Variants in EWSR1 observed in about 807,000 individuals in gnomAD.
EWSR1 encodes RNA-binding protein EWS.
Under a neutral mutation model 92.1 loss-of-function variants are expected in EWSR1, and 14 were observed. The ratio of observed to expected loss-of-function variants is 0.15; its 90% confidence interval spans 0.10 to 0.24. The LOEUF (loss-of-function observed/expected upper bound fraction) is 0.24, where lower values mean the gene tolerates loss of function less well. Ranked by LOEUF, EWSR1 falls within the 10% of genes least tolerant of loss-of-function variation. The probability of loss-of-function intolerance (pLI) is 1.00; values close to 1 mark genes in which losing one functional copy is unlikely to be tolerated. For synonymous variants in EWSR1, 303 were observed against 292.9 expected (o/e 1.03, Z -0.35); for missense variants, 637 against 870.9 (o/e 0.73, Z 3.38).
chr22:29,282,355 C>A, intron 5 of EWSR1, 35 bp from the exon 6 acceptor site: 3 of 1,503,304 alleles, frequency 2.0e-6, no homozygotes, highest in Non-Finnish European at 2.7e-6. Context: ...CAAAAAAAGT[C>A]ACTTTTTAAT....
Position 29,288,725 on chromosome 22 carries a change from G to A in EWSR1, c.913G>A (p.Gly305Arg). The A allele has an allele frequency of 1.2e-6, 2 of 1,613,892 alleles. No homozygotes were observed. Among genetic ancestry groups the A allele is most frequent in the Non-Finnish European group, 1.7e-6 (2 of 1,179,824 alleles). Residue 305 changes from glycine (G) to arginine (R), a missense_variant, in exon 8 of 17, where the codon GGG becomes AGG. Transcript: ENST00000397938. ...CCCTGATAACCGGGGCAGGGGAAGA[G>A]GGGGATTTGATCGTGGAGGCATGAG... Reference protein sequence around the residue: ...SGPDNRGRGRGGFDRGGMSRG... With the variant: ...SGPDNRGRGRRGFDRGGMSRG...
chr22:29,291,143 T>C, intron 8 of EWSR1: 1 of 244,162 alleles, frequency 4.1e-6, no homozygotes. Flanking sequence ...GGGCCTCATT[T>C]GGCTCTCCCT....
intron 12 of EWSR1, among the ~76,000 whole-genome samples, chr22:29,297,508 C>G (rs2147774422): frequency 6.6e-6 from 1 of 152,166 alleles, no homozygotes. Context: ...CCTGGGCAAC[C>G]TAGTGAGACA....
At chr22:29,286,686 C>CAAA (rs373796997) in intron 6 of EWSR1, among the ~76,000 whole-genome samples, 1 of 76,344 alleles carries the variant, frequency 1.3e-5, no homozygotes, top group Non-Finnish European at 2.6e-5. Flanking sequence ...CACTCTGTCT[C>CAAA]AAAAAAAAAA....
At chr22:29,275,306 A>G (rs1163503664) in intron 4 of EWSR1, among the ~76,000 whole-genome samples, 3 of 152,224 alleles carry the variant, frequency 2.0e-5, no homozygotes, top group Non-Finnish European at 4.4e-5. Flanking sequence ...ATCATTTTAC[A>G]GGAATGAGAC....
chr22:29,279,419 A>T (rs575218787), intron 5 of EWSR1, among the ~76,000 whole-genome samples: 188 of 152,364 alleles, frequency 1.2e-3, no homozygotes, highest in African/African-American at 4.2e-3. Flanking sequence ...TACATTGTAT[A>T]GAGGCTTAAT....
chr22:29,278,173 T>C lies in EWSR1; in HGVS notation c.370T>C (p.Tyr124His). Residue 124 changes from tyrosine to histidine, a missense_variant, in exon 5 of 17, where the codon TAT becomes CAT. Physicochemically the swap from Tyr to His is moderately conservative, Grantham distance 83. This residue lies in a region of EWSR1 where 144 missense variants were observed against 189.0 expected (regional missense o/e 0.76). Transcript: ENST00000397938. ...GTCTGCATATGGCACTCAGCCTGCT[T>C]ATCCAGCCTATGGGCAGCAGCCAGC... Reference protein sequence around the residue: ...AQSAYGTQPAYPAYGQQPAAT... With the variant: ...AQSAYGTQPAHPAYGQQPAAT... The C allele has an allele frequency of 6.2e-7, 1 of 1,614,108 alleles. No homozygotes were observed. The highest frequency in any genetic ancestry group is 1.1e-5 in the South Asian group (1 of 91,074).
intron 13 of EWSR1, among the ~76,000 whole-genome samples, 178 bp downstream of exon 13, chr22:29,298,127 TG>T (rs2147792022): frequency 6.6e-6 from 1 of 152,336 alleles, no homozygotes; most frequent in African/African-American, 2.4e-5. Context: ...CATGGGAGGC[TG>T]GAAGCCACTC....
At chr22:29,275,210 C>T (rs1006768633) in intron 4 of EWSR1, among the ~76,000 whole-genome samples, 1 of 152,188 alleles carries the variant, frequency 6.6e-6, no homozygotes, top group Non-Finnish European at 1.5e-5. Flanking sequence ...GTGAGATAAA[C>T]TTCATGTATT....
intron 15 of EWSR1, 91 bp from the exon 16 acceptor site, chr22:29,299,508 G>A (rs779697409): frequency 6.7e-7 from 1 of 1,502,400 alleles, no homozygotes; most frequent in Non-Finnish European, 8.9e-7. Context: ...TTGTTCTGCT[G>A]TGAGAGAAGG....
intron 7 of EWSR1, among the ~76,000 whole-genome samples, chr22:29,288,313 C>T (rs1354721374): frequency 6.6e-6 from 1 of 152,170 alleles, no homozygotes; most frequent in Non-Finnish European, 1.5e-5. Context: ...TTGGAGACAT[C>T]TTAGGATATA....
chr22:29,288,588 A>G lies in EWSR1; in HGVS notation c.794-18A>G, dbSNP rs2060225624. Reference sequence around the variant, plus strand: ...GTAAATGCTGGTCCATGGCTTACAGATGTGACTCTTTCCTCAGGTTCATTC... The same window carrying G: ...GTAAATGCTGGTCCATGGCTTACAGGTGTGACTCTTTCCTCAGGTTCATTC... On this transcript the variant is annotated intron_variant, in intron 7 of 16. Coordinates refer to ENST00000397938, the MANE Select transcript of EWSR1 (RefSeq NM_005243.4). 3 of 1,602,438 alleles carry G rather than the reference A, an allele frequency of 1.9e-6. No individual in the cohort carries two copies. Among genetic ancestry groups the G allele is most frequent in the Non-Finnish European group, 2.6e-6 (3 of 1,174,794 alleles).
intron 5 of EWSR1, among the ~76,000 whole-genome samples, chr22:29,278,866 A>G (rs1413103963): frequency 6.6e-6 from 1 of 151,514 alleles, no homozygotes; most frequent in African/African-American, 2.4e-5. Flanking sequence ...GTGGTGGCGC[A>G]CACCTGTAAT....
chr22:29,293,079 T>C (rs545938993), intron 11 of EWSR1, among the ~76,000 whole-genome samples: 38 of 151,886 alleles, frequency 2.5e-4, no homozygotes, highest in Admixed American at 5.9e-4. Context: ...AGGGACAGAG[T>C]GTTGCTCAAT....
chr22:29,295,160 G>A (rs1173768969), intron 11 of EWSR1, among the ~76,000 whole-genome samples: 1 of 151,906 alleles, frequency 6.6e-6, no homozygotes, highest in African/African-American at 2.4e-5. Flanking sequence ...CCGCCTCCTG[G>A]GTTCAAGCCT....
In EWSR1 at chr22:29,296,229, C is replaced by A. The variant is rs1243040797; in HGVS notation, c.1165-10C>A. 8 of 1,613,306 alleles carry A rather than the reference C, an allele frequency of 5.0e-6. No individual in the cohort carries two copies. Among genetic ancestry groups the A allele is most frequent in the Non-Finnish European group, 6.8e-6 (8 of 1,179,684 alleles). ...TCTAGTCATGCCTAACTATGCTATT[C>A]TTTGTCTAGATGAACAAGAGAACTG... On this transcript the variant is annotated splice_polypyrimidine_tract_variant and intron_variant, in intron 11 of 16. Transcript: ENST00000397938.
intron 5 of EWSR1, among the ~76,000 whole-genome samples, chr22:29,281,201 G>A (rs891714896): frequency 3.3e-5 from 5 of 151,968 alleles, no homozygotes; most frequent in Non-Finnish European, 7.4e-5. Context: ...TTCTAGTAGA[G>A]ACGGGGTTTC....
intron 11 of EWSR1, among the ~76,000 whole-genome samples, chr22:29,293,004 C>A (rs534726053): frequency 6.6e-6 from 1 of 151,792 alleles, no homozygotes; most frequent in Non-Finnish European, 1.5e-5. Context: ...CCCACCTTGG[C>A]GCCTCCCAAA....
At chr22:29,298,468 C>T (rs1297308784) in intron 13 of EWSR1, among the ~76,000 whole-genome samples, 1 of 149,106 alleles carries the variant, frequency 6.7e-6, no homozygotes, top group Admixed American at 6.7e-5. Flanking sequence ...GATCGTGCCA[C>T]TGCACTCCAG....
Sources: gnomAD v4.1 joint callset for allele counts (sites outside exome capture counted in the v4.1 genomes callset) on GRCh38, gnomAD v4.1.1 for gene constraint, gnomAD v4.1.1 regional missense constraint, MANE v1.5 for transcripts, NCBI Gene and HGNC (gene_info 2026-07-23, HGNC 2026-07-21) for gene names.